Variants in FRAS1 observed in about 807,000 individuals in gnomAD.
FRAS1 encodes the protein Fraser extracellular matrix complex subunit 1.
A neutral mutation model predicts 435.2 loss-of-function variants in FRAS1; 290 were observed. The ratio of observed to expected loss-of-function variants is 0.67; its 90% CI spans 0.61 to 0.73. FRAS1 has a LOEUF of 0.73. FRAS1 is among the 30% of genes least tolerant of loss of function. FRAS1 has a pLI of 0.00. For synonymous variants in FRAS1, 1,800 were observed against 1,851.0 expected, an observed-to-expected ratio of 0.97 and a Z score of 0.71; for missense variants, 4,860 against 5,001.5, an observed-to-expected ratio of 0.97 and a Z score of 0.85.
At chr4:78,186,645 C>T (rs1004771243) in intron 2 of FRAS1, among the ~76,000 whole-genome samples, 3 of 152,132 alleles carry the variant, frequency 2.0e-5, no homozygotes, top group African/African-American at 7.2e-5. Flanking sequence ...ACTGTACAAA[C>T]GGTTGCAGCT....
intron 71 of FRAS1, 68 bp downstream of exon 71, chr4:78,534,683 G>C: frequency 6.8e-7 from 1 of 1,464,584 alleles, no homozygotes; most frequent in South Asian, 1.2e-5. Context: ...CTAAGTCACC[G>C]GACTGGCATC....
At chr4:78,157,968 A>T (rs1185789958) in intron 2 of FRAS1, among the ~76,000 whole-genome samples, 1 of 152,164 alleles carries the variant, frequency 6.6e-6, no homozygotes, top group African/African-American at 2.4e-5. Flanking sequence ...TTTGTTGAAT[A>T]TAAGTTGGTT....
intron 43 of FRAS1, 35 bp downstream of exon 43, chr4:78,446,915 T>C (rs1473775791): frequency 6.3e-7 from 1 of 1,575,566 alleles, no homozygotes; most frequent in Non-Finnish European, 8.6e-7. Flanking sequence ...GCTTCTTAAT[T>C]GAGATGCCCG....
chr4:78,082,504 T>C (rs1255148906), intron 2 of FRAS1, among the ~76,000 whole-genome samples: 1 of 152,136 alleles, frequency 6.6e-6, no homozygotes, highest in East Asian at 1.9e-4. Context: ...TTGTTAAATG[T>C]TAGAAAGTAC....
At chr4:78,261,799 G>T (rs1726120035) in intron 6 of FRAS1, among the ~76,000 whole-genome samples, 1 of 151,982 alleles carries the variant, frequency 6.6e-6, no homozygotes, top group Admixed American at 6.6e-5. Context: ...TGTTTCTTTG[G>T]GTCTTCATTT....
At chr4:78,514,921 A>C (rs546114670) in intron 65 of FRAS1, among the ~76,000 whole-genome samples, 1 of 152,136 alleles carries the variant, frequency 6.6e-6, no homozygotes, top group East Asian at 1.9e-4. Context: ...ATAAAAAATT[A>C]GCCAGGTGTG....
intron 35 of FRAS1, among the ~76,000 whole-genome samples, chr4:78,425,697 A>G (rs761273807): frequency 6.6e-6 from 1 of 152,230 alleles, no homozygotes; most frequent in Admixed American, 6.5e-5. Flanking sequence ...TACATAATTC[A>G]TACAATCAGT....
At chr4:78,181,925 G>T in intron 2 of FRAS1, 1 of 1,609,072 alleles carries the variant, frequency 6.2e-7, no homozygotes, top group Non-Finnish European at 8.5e-7. Flanking sequence ...ACCCCTGCCG[G>T]CTTCTTTTTT....
chr4:78,355,486 C>T (rs964280214), intron 20 of FRAS1, among the ~76,000 whole-genome samples: 5 of 152,228 alleles, frequency 3.3e-5, no homozygotes, highest in East Asian at 3.9e-4. Flanking sequence ...AGACAGGCTC[C>T]AGAATAGGCA....
At position 78,466,397 on chromosome 4, in the gene FRAS1, A is replaced by G; in HGVS notation, c.7219A>G (p.Thr2407Ala). 1 of 1,613,930 alleles carries G rather than the reference A, an allele frequency of 6.2e-7. No individual in the cohort carries two copies. The highest frequency in any genetic ancestry group is 8.5e-7 in the Non-Finnish European group (1 of 1,179,840). ...GTTCACCTTCACTGTTTCTGATGGG[A>G]CAAACCCCTTCTTTATCATTGAGGA... ...DRFTFTVSDGTNPFFIIEEGG... is the reference protein window; with the variant it reads ...DRFTFTVSDGANPFFIIEEGG... Residue 2407 changes from threonine to alanine, a missense_variant, in exon 50 of 74, where the codon ACA becomes GCA. Thr to Ala is a moderately conservative substitution (Grantham distance 58). Transcript: ENST00000512123.
At chr4:78,409,814 G>A (rs1436353373) in intron 31 of FRAS1, among the ~76,000 whole-genome samples, 1 of 152,130 alleles carries the variant, frequency 6.6e-6, no homozygotes, top group African/African-American at 2.4e-5. Context: ...GAATCCAGGT[G>A]GGGCTGAACT....
At chr4:78,179,306 TC>T (rs1203186523) in intron 2 of FRAS1, among the ~76,000 whole-genome samples, 1 of 152,210 alleles carries the variant, frequency 6.6e-6, no homozygotes, top group Non-Finnish European at 1.5e-5. Flanking sequence ...TGGGGCCTTT[TC>T]TTGACATCTG....
rs145761969 is a variant in FRAS1 at position 78,132,679 on chromosome 4, G to A, written c.108+66663G>A. ...GAGAGATTTTCCTGGGACAGGAGGAGGAATGTCCTTTTCACTAAGAAAGAA... is the reference window on the plus strand; with the variant it reads ...GAGAGATTTTCCTGGGACAGGAGGAAGAATGTCCTTTTCACTAAGAAAGAA... On this transcript the variant is annotated intron_variant, in intron 2 of 73. Coordinates refer to ENST00000512123, the MANE Select transcript of FRAS1 (RefSeq NM_025074.7). 5.3e-4 allele frequency among the ~76,000 whole-genome samples: 80 copies of A among 152,264 alleles called. No individual in the cohort carries two copies. In the South Asian group the frequency reaches 9.3e-3, roughly 18 times the overall value.
chr4:78,464,391 T>A, intron 48 of FRAS1, 52 bp from the exon 49 acceptor site: 1 of 1,606,922 alleles, frequency 6.2e-7, no homozygotes, highest in Non-Finnish European at 8.5e-7. Flanking sequence ...CTTGGACTTG[T>A]TGGGTAGGTG....
At chr4:78,465,027 T>C (rs1459288710) in intron 49 of FRAS1, among the ~76,000 whole-genome samples, 1 of 152,244 alleles carries the variant, frequency 6.6e-6, no homozygotes, top group East Asian at 1.9e-4. Flanking sequence ...CCTCAAAGAC[T>C]AGGCTTTGTG....
chr4:78,105,860 C>T (rs1206484577), intron 2 of FRAS1, among the ~76,000 whole-genome samples: 2 of 142,812 alleles, frequency 1.4e-5, no homozygotes, highest in East Asian at 3.9e-4. Context: ...CTAGGGAGTG[C>T]CAGACAGTGG....
intron 2 of FRAS1, chr4:78,181,557 C>G (rs1243628437): frequency 6.2e-7 from 1 of 1,611,596 alleles, no homozygotes; most frequent in African/African-American, 1.3e-5. Flanking sequence ...CCACCACGAC[C>G]TCGAATAGGT....
chr4:78,121,800 A>C (rs1333219435), intron 2 of FRAS1, among the ~76,000 whole-genome samples: 1 of 152,198 alleles, frequency 6.6e-6, no homozygotes, highest in Non-Finnish European at 1.5e-5. Context: ...CATAGCACGT[A>C]AGGCAAATTT....
intron 67 of FRAS1, among the ~76,000 whole-genome samples, chr4:78,520,231 G>A (rs1025308542): frequency 1.4e-5 from 2 of 147,602 alleles, no homozygotes; most frequent in Non-Finnish European, 1.5e-5. Context: ...CTCTCCAATC[G>A]TTCTTGGTTA....
Sources: gnomAD v4.1 joint callset for allele counts (sites outside exome capture counted in the v4.1 genomes callset) on GRCh38, gnomAD v4.1.1 for gene constraint, MANE v1.5 for transcripts, NCBI Gene and HGNC (gene_info 2026-07-23, HGNC 2026-07-21) for gene names.